Variants in RNF214 observed in about 807,000 individuals in gnomAD.
The protein encoded by RNF214 is ring finger protein 214.
A neutral mutation model predicts 75.9 loss-of-function variants in RNF214; 25 were observed. The ratio of observed to expected loss-of-function variants is 0.33; its 90% CI spans 0.24 to 0.46. The LOEUF (loss-of-function observed/expected upper bound fraction) is 0.46, where lower values mean the gene tolerates loss of function less well. Ranked by LOEUF, RNF214 falls within the 20% of genes least tolerant of loss-of-function variation. RNF214 has a pLI of 1.00. For missense variants in RNF214, 725 were observed against 857.5 expected, an observed-to-expected ratio of 0.85 and a Z score of 1.93; for synonymous variants, 314 against 308.8, an observed-to-expected ratio of 1.02 and a Z score of -0.18.
intron 5 of RNF214, 125 bp downstream of exon 5, chr11:117,244,710 G>A (rs1341152404): frequency 5.8e-6 from 4 of 694,810 alleles, no homozygotes; most frequent in Non-Finnish European, 8.6e-6. Flanking sequence ...CTGTCACTCA[G>A]GCTGGAATGT....
chr11:117,277,489 A>AACAC (rs530802314), intron 6 of RNF214, among the ~76,000 whole-genome samples: 10 of 151,082 alleles, frequency 6.6e-5, no homozygotes, highest in Admixed American at 2.0e-4. Flanking sequence ...ATAAGTGTGT[A>AACAC]ACACACACAC....
At chr11:117,234,974 A>G (rs2032860974) in intron 2 of RNF214, among the ~76,000 whole-genome samples, 1 of 152,162 alleles carries the variant, frequency 6.6e-6, no homozygotes, top group Admixed American at 6.5e-5. Flanking sequence ...TATTAAAAAG[A>G]TAAAAAATAA....
chr11:117,243,940 G>A (rs2033145309), intron 4 of RNF214, among the ~76,000 whole-genome samples: 1 of 152,142 alleles, frequency 6.6e-6, no homozygotes, highest in African/African-American at 2.4e-5. Flanking sequence ...CCTCTTTAGT[G>A]GATCCATCAG....
At chr11:117,260,974 T>C (rs2033648671) in intron 6 of RNF214, among the ~76,000 whole-genome samples, 7 of 150,722 alleles carry the variant, frequency 4.6e-5, no homozygotes, top group Admixed American at 3.3e-4. Context: ...ACATAAACAG[T>C]CATGGTATCT....
Position 117,282,132 on chromosome 11 carries a change from T to C in RNF214, c.1574T>C (p.Met525Thr). ...GSLVSPHGPH[M>T]PPAASIPPPP... is the part of the protein sequence containing the mutation. The stretch of plus-strand genomic sequence containing the variant: ...CTTGTCAGCCCCCACGGTCCACACA[T>C]GCCCCCTGCCGCCTCCATCCCACCT... The change falls in exon 11 of 15, where the codon ATG becomes ACG. Residue 525 changes from methionine (M) to threonine (T), a missense_variant. This residue lies in a region of RNF214 where 363 missense variants were observed against 513.0 expected (regional missense o/e 0.71). Transcript: ENST00000300650. The C allele has an allele frequency of 6.2e-7, 1 of 1,614,026 alleles. No homozygotes were observed. Among genetic ancestry groups the C allele is most frequent in the Non-Finnish European group, 8.5e-7 (1 of 1,179,996 alleles).
At chr11:117,253,795 TTTTCATGGATGTAGC>T (rs1247964168) in intron 6 of RNF214, among the ~76,000 whole-genome samples, 1 of 152,216 alleles carries the variant, frequency 6.6e-6, no homozygotes, top group Non-Finnish European at 1.5e-5. Flanking sequence ...TTGATTTATA[TTTTCATGGATGTAGC>T]TTTGGACAAG....
chr11:117,262,913 T>A (rs899092664), intron 6 of RNF214, among the ~76,000 whole-genome samples: 1 of 151,796 alleles, frequency 6.6e-6, no homozygotes, highest in Non-Finnish European at 1.5e-5. Context: ...TTCACACAAT[T>A]CTCCCACCTC....
chr11:117,283,645 C>T (rs565525564), intron 14 of RNF214, among the ~76,000 whole-genome samples: 127 of 152,048 alleles, frequency 8.4e-4, no homozygotes, highest in Non-Finnish European at 1.2e-3. Context: ...AGGCGTGAGC[C>T]ACCGTGCCCA....
chr11:117,247,343 A>T (rs574942895), intron 6 of RNF214, among the ~76,000 whole-genome samples: 41 of 152,122 alleles, frequency 2.7e-4, no homozygotes, highest in Non-Finnish European at 5.0e-4. Context: ...TATTAAAAAA[A>T]AATTAGCTGG....
chr11:117,248,363 AC>A (rs1330908244), intron 6 of RNF214, among the ~76,000 whole-genome samples: 1 of 152,214 alleles, frequency 6.6e-6, no homozygotes, highest in Non-Finnish European at 1.5e-5. Context: ...GGCATGAGCC[AC>A]CGCGCCCAGC....
intron 6 of RNF214, among the ~76,000 whole-genome samples, chr11:117,250,005 A>C (rs1046588446): frequency 6.6e-6 from 1 of 152,246 alleles, no homozygotes; most frequent in South Asian, 2.1e-4. Flanking sequence ...TTGAGTATCT[A>C]CTATGAGCCA....
At chr11:117,269,573 G>A (rs2033865293) in intron 6 of RNF214, among the ~76,000 whole-genome samples, 1 of 152,084 alleles carries the variant, frequency 6.6e-6, no homozygotes, top group African/African-American at 2.4e-5. Flanking sequence ...ATGTTGCCCG[G>A]GCTGGTCTCG....
At chr11:117,258,532 ATAT>A (rs1471751256) in intron 6 of RNF214, among the ~76,000 whole-genome samples, 6 of 152,236 alleles carry the variant, frequency 3.9e-5, no homozygotes, top group African/African-American at 7.2e-5. Context: ...TTAGAGTTTA[ATAT>A]TATTTATTTG....
At chr11:117,232,942 A>AG (rs922961115) in intron 1 of RNF214, among the ~76,000 whole-genome samples, 1 of 14,784 alleles carries the variant, frequency 6.8e-5, no homozygotes, top group African/African-American at 2.6e-4. Context: ...GAAGGGGTGG[A>AG]GGGGGGTCTG....
Position 117,279,968 on chromosome 11 carries a change from CATT to C in RNF214, c.1023_1025del (p.Ile341del). On this transcript the variant is annotated inframe_deletion, in exon 7 of 15. Coordinates refer to ENST00000300650, the MANE Select transcript of RNF214 (RefSeq NM_207343.4). ...ATCAGGATGGCGAAATAAATAGGAA[CATT>C]ATGGAAGAGACTGAACGGGCCTGGA... 1.9e-6 allele frequency: 3 copies of C among 1,613,414 alleles called. No homozygotes were observed. In the South Asian group the frequency reaches 3.3e-5, roughly 18 times the overall value.
intron 2 of RNF214, among the ~76,000 whole-genome samples, 191 bp from the exon 3 acceptor site, chr11:117,238,405 AAAAAC>A (rs1247856417): frequency 6.6e-6 from 1 of 152,190 alleles, no homozygotes; most frequent in African/African-American, 2.4e-5. Context: ...GAACCTCTCT[AAAAAC>A]AAAACCAAAA....
chr11:117,239,099 C>A lies in RNF214; in HGVS notation c.606C>A (p.Asn202Lys), dbSNP rs377448273. 7 of 1,608,580 alleles carry A rather than the reference C, an allele frequency of 4.4e-6. No individual in the cohort carries two copies. Among genetic ancestry groups the A allele is most frequent in the Non-Finnish European group, 1.7e-6 (2 of 1,176,972 alleles). The change falls in exon 3 of 15, where the codon AAC becomes AAA. Residue 202 changes from asparagine to lysine, a missense_variant. Transcript: ENST00000300650. Reference sequence around the variant, plus strand: ...GCTCTTCCCTGAAGCTTTCTCAGAACATTGCTGTACAGGTCAAGTGTCAAG... The same window carrying A: ...GCTCTTCCCTGAAGCTTTCTCAGAAAATTGCTGTACAGGTCAAGTGTCAAG... ...QDSSSLKLSQ[N>K]IAVQTDFKTA...
chr11:117,266,016 C>T, intron 6 of RNF214, among the ~76,000 whole-genome samples: 1 of 152,172 alleles, frequency 6.6e-6, no homozygotes, highest in East Asian at 1.9e-4. Context: ...TTTTGAGATT[C>T]ATCCATGAGG....
In RNF214 at chr11:117,281,586, C is replaced by CTTT; in HGVS notation, c.1237-5_1237-3dup. 8.2e-7 allele frequency: 1 copy of CTTT among 1,225,108 alleles called. No individual in the cohort carries two copies. The highest frequency in any genetic ancestry group is 1.1e-6 in the Non-Finnish European group (1 of 878,160). 75.9% of individuals were successfully genotyped at this position (1,225,108 alleles called of 1,614,324 possible). A position where few individuals can be genotyped will look rare whatever the true frequency, so the allele number is the denominator to read the frequency against. ...AGTCAGTTCAGCAGTAAAAATAATC[C>CTTT]TTTTTTTTTTTAGGACCAATTTAAT... is the stretch of plus-strand genomic sequence containing the variant. On this transcript the variant is annotated splice_polypyrimidine_tract_variant and intron_variant, in intron 9 of 14. Transcript: ENST00000300650.
Sources: allele counts gnomAD v4.1 joint callset (sites outside exome capture counted in the v4.1 genomes callset), GRCh38; gene constraint gnomAD v4.1.1; regional missense constraint gnomAD v4.1.1; transcripts MANE v1.5; gene names NCBI Gene and HGNC (gene_info 2026-07-23, HGNC 2026-07-21).